The following RSU1 variants were observed in gnomAD, a reference collection of about 807,000 sequenced individuals.
The protein encoded by RSU1 is Ras suppressor protein 1, also known as rsu-1.
A neutral mutation model predicts 31.1 loss-of-function variants in RSU1; 26 were observed. The observed-to-expected ratio is 0.84, with a 90% CI of 0.61 to 1.16. The LOEUF (loss-of-function observed/expected upper bound fraction) is 1.16, where lower values mean the gene tolerates loss of function less well. RSU1 is among the 50% of genes most tolerant of loss of function. The probability of loss-of-function intolerance (pLI) is 0.00; values close to 1 mark genes in which losing one functional copy is unlikely to be tolerated. For missense variants in RSU1, 320 were observed against 339.1 expected, an observed-to-expected ratio of 0.94 and a Z score of 0.44; for synonymous variants, 164 against 136.3, an observed-to-expected ratio of 1.20 and a Z score of -1.41.
At chr10:16,603,114 AC>A (rs1833739935) in intron 8 of RSU1, among the ~76,000 whole-genome samples, 1 of 152,354 alleles carries the variant, frequency 6.6e-6, no homozygotes, top group East Asian at 1.9e-4. Context: ...TGTGTCTGTC[AC>A]ATTCTTCTCC....
intron 8 of RSU1, among the ~76,000 whole-genome samples, chr10:16,642,495 G>A (rs1834462298): frequency 6.6e-6 from 1 of 152,122 alleles, no homozygotes; most frequent in Non-Finnish European, 1.5e-5. Flanking sequence ...CTGCATGCTG[G>A]GGGAAGAGCC....
At chr10:16,810,910 T>C (rs1838395045) in intron 2 of RSU1, among the ~76,000 whole-genome samples, 2 of 151,964 alleles carry the variant, frequency 1.3e-5, no homozygotes, top group African/African-American at 2.4e-5. Flanking sequence ...TAATCTACGC[T>C]ACTTGGGAGG....
intron 8 of RSU1, among the ~76,000 whole-genome samples, chr10:16,666,953 G>A (rs1005243422): frequency 5.3e-5 from 8 of 151,978 alleles, no homozygotes; most frequent in South Asian, 2.1e-4. Context: ...TTGAGATTAC[G>A]CTACTGCTGC....
chr10:16,669,702 G>A (rs1020852031), intron 8 of RSU1, among the ~76,000 whole-genome samples: 1 of 152,134 alleles, frequency 6.6e-6, no homozygotes, highest in Non-Finnish European at 1.5e-5. Context: ...TCCTGTGTTA[G>A]TTTGCTGAGG....
intron 7 of RSU1, among the ~76,000 whole-genome samples, chr10:16,711,999 T>A (rs941208898): frequency 6.6e-6 from 1 of 152,236 alleles, no homozygotes; most frequent in Non-Finnish European, 1.5e-5. Flanking sequence ...ATGTTTGTTT[T>A]GTACATCTGT....
chr10:16,637,353 C>T (rs1289736195), intron 8 of RSU1, among the ~76,000 whole-genome samples: 1 of 152,232 alleles, frequency 6.6e-6, no homozygotes, highest in Non-Finnish European at 1.5e-5. Flanking sequence ...GGCCTGCCAT[C>T]TACCAACCTG....
At chr10:16,685,212 C>T (rs1336859976) in intron 8 of RSU1, among the ~76,000 whole-genome samples, 3 of 152,096 alleles carry the variant, frequency 2.0e-5, no homozygotes, top group East Asian at 1.9e-4. Context: ...ATCGCACCAC[C>T]GCACTCCAGC....
chr10:16,610,608 C>A (rs1020553495), intron 8 of RSU1, among the ~76,000 whole-genome samples: 1 of 152,164 alleles, frequency 6.6e-6, no homozygotes. Flanking sequence ...TTTCCCATCA[C>A]CCCCAGATGG....
intron 3 of RSU1, chr10:16,767,304 C>G (rs867448295): frequency 6.6e-6 from 1 of 152,134 alleles, no homozygotes; most frequent in Non-Finnish European, 1.5e-5. Context: ...GAATTACTGC[C>G]GTCTTCCCGA....
intron 8 of RSU1, among the ~76,000 whole-genome samples, chr10:16,632,448 C>G (rs971564286): frequency 6.6e-6 from 1 of 152,058 alleles, no homozygotes; most frequent in African/African-American, 2.4e-5. Flanking sequence ...CTTACAAAAC[C>G]CGAGAGACCT....
chr10:16,745,439 A>C (rs1588508291), intron 7 of RSU1, among the ~76,000 whole-genome samples: 1 of 152,190 alleles, frequency 6.6e-6, no homozygotes, highest in African/African-American at 2.4e-5. Flanking sequence ...TTTACAAAAG[A>C]AAGGTTTAAC....
chr10:16,679,067 T>A (rs3864820), intron 8 of RSU1, among the ~76,000 whole-genome samples: 101,801 of 152,086 alleles, frequency 0.67, 34,329 homozygotes, highest in East Asian at 0.84. Flanking sequence ...CATAGGGAAG[T>A]CATAATCTAA....
In RSU1 at chr10:16,590,883, A is replaced by G. The variant is rs1833493901; in HGVS notation, c.*2511T>C. The stretch of plus-strand genomic sequence containing the variant: ...TGCTTTTTCTGTTTAATCAGATGTT[A>G]TGATTCTCTCCCTTTGCCCTTATTG... On this transcript the variant is annotated 3_prime_UTR_variant, in exon 9 of 9. Transcript: ENST00000345264. 6.6e-6 allele frequency: 1 copy of G among 152,156 alleles called. No homozygotes were observed. Among genetic ancestry groups the G allele is most frequent in the African/African-American group, 2.4e-5 (1 of 41,442 alleles). 9.4% of individuals were successfully genotyped at this position (152,156 alleles called of 1,614,324 possible).
intron 7 of RSU1, among the ~76,000 whole-genome samples, chr10:16,730,011 G>A (rs1836476262): frequency 1.3e-5 from 2 of 152,228 alleles, no homozygotes; most frequent in Non-Finnish European, 2.9e-5. Flanking sequence ...GGCTGCACAA[G>A]AAGCATGGCG....
chr10:16,624,561 T>C (rs185588496), intron 8 of RSU1, among the ~76,000 whole-genome samples: 163 of 152,190 alleles, frequency 1.1e-3, no homozygotes, highest in Non-Finnish European at 1.6e-3. Flanking sequence ...TCACTTACAC[T>C]AGCTCACTAC....
chr10:16,632,173 T>C (rs776663483), intron 8 of RSU1, among the ~76,000 whole-genome samples: 2 of 152,124 alleles, frequency 1.3e-5, no homozygotes, highest in African/African-American at 2.4e-5. Context: ...TGACCTCACA[T>C]GTTTTTTCAA....
chr10:16,760,562 C>A (rs1201916616), intron 4 of RSU1, among the ~76,000 whole-genome samples: 2 of 151,152 alleles, frequency 1.3e-5, no homozygotes, highest in African/African-American at 4.9e-5. Flanking sequence ...CCTCTGCTGC[C>A]TCAAACCAAA....
At chr10:16,694,729 C>T (rs1835637623) in intron 8 of RSU1, among the ~76,000 whole-genome samples, 1 of 152,034 alleles carries the variant, frequency 6.6e-6, no homozygotes, top group Admixed American at 6.6e-5. Context: ...CACTACCATG[C>T]CTGGATAATT....
rs146984702 is a variant in RSU1, at chr10:16,644,150, A to G, written c.732-50654T>C. On this transcript the variant is annotated intron_variant, in intron 8 of 8. Transcript: ENST00000345264. ...AATCCCCTATGGTTACTGAAGAGTG[A>G]TTATATAGTCCCTAGAGCTGTATTT... 4.5e-3 allele frequency among the ~76,000 whole-genome samples: 692 copies of G among 152,202 alleles called. 4 individuals are homozygous for G. The highest frequency in any genetic ancestry group is 0.016 in the African/African-American group (644 of 41,528).
Sources: gnomAD v4.1 joint callset for allele counts (sites outside exome capture counted in the v4.1 genomes callset) on GRCh38, gnomAD v4.1.1 for gene constraint, MANE v1.5 for transcripts, NCBI Gene and HGNC (gene_info 2026-07-23, HGNC 2026-07-21) for gene names.